The following EPM2A variants were observed in gnomAD, a reference collection of about 807,000 sequenced individuals.
The protein encoded by EPM2A is EPM2A glucan phosphatase, laforin.
Under a neutral mutation model 26.5 loss-of-function variants are expected in EPM2A, and 21 were observed. That is an observed-to-expected ratio of 0.79 (90% confidence interval 0.56 to 1.14). The LOEUF is 1.14. EPM2A is among the 50% of genes most tolerant of loss of function. The pLI is 0.00. For missense variants in EPM2A, 458 were observed against 440.8 expected (o/e 1.04, Z -0.35); for synonymous variants, 217 against 177.6 (o/e 1.22, Z -1.76).
intron 4 of EPM2A, among the ~76,000 whole-genome samples, chr6:145,443,396 C>T (rs980393821): frequency 6.6e-6 from 1 of 152,168 alleles, no homozygotes; most frequent in African/African-American, 2.4e-5. Context: ...TCTGTCATCT[C>T]TGATTTCTTT....
intron 2 of EPM2A, among the ~76,000 whole-genome samples, chr6:145,557,431 A>T (rs1001751660): frequency 3.9e-5 from 6 of 152,064 alleles, no homozygotes; most frequent in Non-Finnish European, 5.9e-5. Flanking sequence ...AAAATGGAAA[A>T]TTTTTTAAGA....
intron 2 of EPM2A, among the ~76,000 whole-genome samples, chr6:145,519,771 G>T (rs1780179061): frequency 6.6e-6 from 1 of 152,158 alleles, no homozygotes; most frequent in Non-Finnish European, 1.5e-5. Flanking sequence ...ATCTTAAAGA[G>T]CAGGTAGGTT....
chr6:145,650,574 C>T (rs1238085150), intron 2 of EPM2A, among the ~76,000 whole-genome samples: 1 of 151,752 alleles, frequency 6.6e-6, no homozygotes, highest in African/African-American at 2.4e-5. Context: ...AATTAGATGT[C>T]CTTTATAATT....
At chr6:145,434,881 G>T (rs1038760678) in intron 4 of EPM2A, among the ~76,000 whole-genome samples, 2 of 152,076 alleles carry the variant, frequency 1.3e-5, no homozygotes, top group African/African-American at 4.8e-5. Context: ...CTGGTGGGAG[G>T]TGATTAGCTT....
At chr6:145,403,501 C>T (rs1407523169) in intron 4 of EPM2A, among the ~76,000 whole-genome samples, 1 of 151,642 alleles carries the variant, frequency 6.6e-6, no homozygotes, top group Middle Eastern at 3.2e-3. Context: ...TTAGATCCCA[C>T]AAATAAATGA....
chr6:145,447,634 G>A (rs1779143572), intron 4 of EPM2A, among the ~76,000 whole-genome samples: 1 of 152,006 alleles, frequency 6.6e-6, no homozygotes, highest in African/African-American at 2.4e-5. Flanking sequence ...AGAAACACTG[G>A]ATTTTGTTTG....
At chr6:145,735,527 G>A, upstream of EPM2A, 1 of 1,172,128 alleles carries the variant, frequency 8.5e-7, no homozygotes, top group South Asian at 4.1e-5. Flanking sequence ...GAATACCCGG[G>A]CCCGGAGTCC....
chr6:145,515,730 C>G (rs1050791501), intron 2 of EPM2A, among the ~76,000 whole-genome samples: 16 of 152,140 alleles, frequency 1.1e-4, no homozygotes, highest in Non-Finnish European at 4.4e-5. Context: ...CATAAACATT[C>G]AAACCACAGT....
chr6:145,422,054 A>AGT (rs774826646), intron 4 of EPM2A, among the ~76,000 whole-genome samples: 29 of 95,710 alleles, frequency 3.0e-4, no homozygotes, highest in Admixed American at 1.7e-3. Flanking sequence ...AATATATATG[A>AGT]GTGTATATAT....
Position 145,626,417 on chromosome 6 carries a change from C to G in EPM2A, c.*999G>C. ...ATAGTTCCTCTCATGAATTTCCACTCTGGTCTTAAAACAGCCCATCATGTT... is the reference window on the plus strand; with the variant it reads ...ATAGTTCCTCTCATGAATTTCCACTGTGGTCTTAAAACAGCCCATCATGTT... On this transcript the variant is annotated 3_prime_UTR_variant, in exon 4 of 4. Coordinates refer to ENST00000367519, the MANE Select transcript of EPM2A (RefSeq NM_005670.4). 1 of 985,944 alleles carries G rather than the reference C, an allele frequency of 1.0e-6. No individual in the cohort carries two copies. Among genetic ancestry groups the G allele is most frequent in the Non-Finnish European group, 1.2e-6 (1 of 830,000 alleles). The allele number at this position is 985,944 out of a possible 1,614,324, so 61.1% of individuals were successfully genotyped here.
Position 145,547,830 on chromosome 6 carries a change from A to G in EPM2A, c.341-45255T>C, listed in dbSNP as rs559647952. ...TGAAAATGTGTGTGTGGTGATCCACAGACACTACCTTGGGTCATCAAGATA... is the reference window on the plus strand; with the variant it reads ...TGAAAATGTGTGTGTGGTGATCCACGGACACTACCTTGGGTCATCAAGATA... On this transcript the variant is annotated intron_variant, in intron 2 of 3. Coordinates refer to the EPM2A transcript ENST00000450221. Among the ~76,000 whole-genome samples, 9 of 152,280 alleles carry G rather than the reference A, an allele frequency of 5.9e-5. No homozygotes were observed. In the South Asian group the frequency reaches 1.2e-3, roughly 21 times the overall value.
chr6:145,462,974 T>C (rs894020263), intron 4 of EPM2A, among the ~76,000 whole-genome samples: 1 of 152,206 alleles, frequency 6.6e-6, no homozygotes, highest in African/African-American at 2.4e-5. Flanking sequence ...ACGCTTCTAG[T>C]TATTCTTTCT....
chr6:145,506,411 G>A (rs1779974577), intron 2 of EPM2A, among the ~76,000 whole-genome samples: 1 of 151,948 alleles, frequency 6.6e-6, no homozygotes, highest in Admixed American at 6.6e-5. Context: ...AGACATGACA[G>A]TGTTCATTAT....
At chr6:145,717,705 A>T (rs903653458) in intron 1 of EPM2A, among the ~76,000 whole-genome samples, 7 of 150,148 alleles carry the variant, frequency 4.7e-5, no homozygotes, top group South Asian at 4.2e-4. Flanking sequence ...ACATGATTGT[A>T]TATCTAGAAA....
chr6:145,449,703 A>G (rs2114707601), intron 4 of EPM2A, among the ~76,000 whole-genome samples: 1 of 152,300 alleles, frequency 6.6e-6, no homozygotes, highest in South Asian at 2.1e-4. Flanking sequence ...TTCTATAGCT[A>G]CTTATTTAAT....
At chr6:145,437,460 A>T (rs1251452460) in intron 4 of EPM2A, among the ~76,000 whole-genome samples, 13 of 152,210 alleles carry the variant, frequency 8.5e-5, no homozygotes, top group Admixed American at 8.5e-4. Context: ...TAAACTGACC[A>T]GTGGATCAAA....
At chr6:145,702,169 G>C (rs1781950646) in intron 1 of EPM2A, among the ~76,000 whole-genome samples, 1 of 152,060 alleles carries the variant, frequency 6.6e-6, no homozygotes, top group South Asian at 2.1e-4. Flanking sequence ...CTGCAATATG[G>C]CATCTGCACT....
chr6:145,459,375 G>A (rs1235226322), intron 4 of EPM2A, among the ~76,000 whole-genome samples: 3 of 152,214 alleles, frequency 2.0e-5, no homozygotes, highest in African/African-American at 7.2e-5. Context: ...ACTAACCAGA[G>A]TTACATTCAG....
At chr6:145,466,898 A>G (rs1029260187) in intron 4 of EPM2A, among the ~76,000 whole-genome samples, 1 of 152,198 alleles carries the variant, frequency 6.6e-6, no homozygotes, top group Non-Finnish European at 1.5e-5. Flanking sequence ...CAAGAACAAA[A>G]AACCAAACAC....
Sources: allele counts gnomAD v4.1 joint callset (sites outside exome capture counted in the v4.1 genomes callset), GRCh38; gene constraint gnomAD v4.1.1; transcripts MANE v1.5; gene names NCBI Gene and HGNC (gene_info 2026-07-23, HGNC 2026-07-21).